The following FAM185A variants were observed in gnomAD, a reference collection of about 807,000 sequenced individuals.
The protein encoded by FAM185A is family with sequence similarity 185 member A, also known as protein FAM185A.
A neutral mutation model predicts 45.7 loss-of-function variants in FAM185A; 21 were observed. That is an observed-to-expected ratio of 0.46 (90% CI 0.33 to 0.66). FAM185A has a LOEUF of 0.66. FAM185A is among the 30% of genes least tolerant of loss of function. The pLI, the probability that FAM185A is intolerant of heterozygous loss-of-function variation, is 0.03. For missense variants in FAM185A, 305 were observed against 485.4 expected (o/e 0.63, Z 3.49); for synonymous variants, 117 against 194.0 (o/e 0.60, Z 3.30).
chr7:102,777,206 T>A, intron 5 of FAM185A, 47 bp from the exon 6 acceptor site: 1 of 1,547,202 alleles, frequency 6.5e-7, no homozygotes, highest in South Asian at 1.2e-5. Context: ...TGTAATTCCA[T>A]TTATCAAGTA....
chr7:102,814,477 T>C, the FAM185A span: 1 of 152,182 alleles, frequency 6.6e-6, no homozygotes, highest in African/African-American at 2.4e-5. Flanking sequence ...ACCAACAACA[T>C]AGAGATAACA....
chr7:102,836,242 C>A, the FAM185A span, among the ~76,000 whole-genome samples: 1 of 152,126 alleles, frequency 6.6e-6, no homozygotes, highest in African/African-American at 2.4e-5. Flanking sequence ...TTCATGGTAC[C>A]ATTCTCATCC....
chr7:102,774,811 T>C (rs1163726414), intron 5 of FAM185A, among the ~76,000 whole-genome samples: 1 of 152,176 alleles, frequency 6.6e-6, no homozygotes, highest in East Asian at 1.9e-4. Context: ...TTGTTACCCA[T>C]ACTGGTCTCA....
intron 7 of FAM185A, among the ~76,000 whole-genome samples, chr7:102,803,045 T>A (rs1796887770): frequency 1.3e-5 from 2 of 151,876 alleles, no homozygotes; most frequent in Admixed American, 1.3e-4. Flanking sequence ...TAATTAAAAA[T>A]TACCAACCAA....
intron 2 of FAM185A, among the ~76,000 whole-genome samples, chr7:102,753,628 A>C (rs1199012025): frequency 2.0e-5 from 3 of 151,684 alleles, no homozygotes; most frequent in Non-Finnish European, 2.9e-5. Flanking sequence ...GTTGAGAACG[A>C]CTGCTTTATG....
At chr7:102,816,397 A>AC in the FAM185A span, 5 of 152,352 alleles carry the variant, frequency 3.3e-5, no homozygotes, top group African/African-American at 1.2e-4. Context: ...AGCTATGGAT[A>AC]CTAGTATAGA....
At chr7:102,805,279 C>A (rs775668688) in intron 7 of FAM185A, among the ~76,000 whole-genome samples, 6 of 152,088 alleles carry the variant, frequency 3.9e-5, no homozygotes, top group Non-Finnish European at 8.8e-5. Flanking sequence ...AGGAACCAAC[C>A]CAAATACCCA....
intron 5 of FAM185A, among the ~76,000 whole-genome samples, chr7:102,775,351 T>G (rs1210980128): frequency 3.9e-5 from 6 of 152,242 alleles, no homozygotes; most frequent in Non-Finnish European, 8.8e-5. Flanking sequence ...GATGAAGCCT[T>G]AATTTTACTC....
In FAM185A at chr7:102,749,547, G is replaced by A; in HGVS notation, c.340G>A (p.Gly114Ser). 6.6e-7 allele frequency: 1 copy of A among 1,519,490 alleles called. No individual in the cohort carries two copies. The highest frequency in any genetic ancestry group is 8.8e-7 in the Non-Finnish European group (1 of 1,133,188). 94.1% of individuals were successfully genotyped at this position (1,519,490 alleles called of 1,614,324 possible). A position where few individuals can be genotyped will look rare whatever the true frequency, so the allele number is the denominator to read the frequency against. ...GTGCGGCGTGGAGGGCGGCGTGCGG[G>A]GCCTGGACGGCCTGCAGGTGAAGTA... ...AVCGVEGGVRGLDGLQVKYDE... is the reference protein window; with the variant it reads ...AVCGVEGGVRSLDGLQVKYDE... The change falls in exon 1 of 8, where the codon GGC becomes AGC. Residue 114 changes from glycine (G) to serine (S), a missense_variant. Gly to Ser is a moderately conservative substitution (Grantham distance 56, BLOSUM62 0). Transcript: ENST00000413034.
chr7:102,814,531 A>C, the FAM185A span: 1 of 152,244 alleles, frequency 6.6e-6, no homozygotes, highest in Non-Finnish European at 1.5e-5. Context: ...AGATGTATTA[A>C]AATAATTGTA....
chr7:102,751,687 T>A lies in FAM185A; in HGVS notation c.452-5T>A. The A allele has an allele frequency of 6.5e-7, 1 of 1,534,876 alleles. No individual in the cohort carries two copies. The highest frequency in any genetic ancestry group is 8.8e-7 in the Non-Finnish European group (1 of 1,142,606). ...TAACTTGCTTTTTTCTTTTTTTACT[T>A]CTAGGTTTAGATATCAAGTCATCAG... On this transcript the variant is annotated splice_polypyrimidine_tract_variant and splice_region_variant and intron_variant, in intron 1 of 7. Coordinates refer to ENST00000413034, the MANE Select transcript of FAM185A (RefSeq NM_001145268.2).
chr7:102,810,295 C>A (rs570126212), downstream of FAM185A, among the ~76,000 whole-genome samples: 1 of 148,756 alleles, frequency 6.7e-6, no homozygotes, highest in Non-Finnish European at 1.5e-5. Context: ...TGCAGTGGCA[C>A]AATCTTGGCT....
chr7:102,838,310 G>A, the FAM185A span, among the ~76,000 whole-genome samples: 1 of 152,278 alleles, frequency 6.6e-6, no homozygotes, highest in South Asian at 2.1e-4. Context: ...GAGATTAAAT[G>A]AGTTAATATG....
At chr7:102,803,846 A>G (rs910991152) in intron 7 of FAM185A, among the ~76,000 whole-genome samples, 3 of 152,214 alleles carry the variant, frequency 2.0e-5, no homozygotes, top group Non-Finnish European at 4.4e-5. Context: ...TCCAGATACA[A>G]AATTAATGTA....
the FAM185A span, among the ~76,000 whole-genome samples, chr7:102,823,483 AAAT>A: frequency 6.6e-6 from 1 of 152,212 alleles, no homozygotes; most frequent in Non-Finnish European, 1.5e-5. Flanking sequence ...GAGACTACAC[AAAT>A]CCCGCTCTGA....
chr7:102,827,158 C>G, the FAM185A span: 1 of 454,922 alleles, frequency 2.2e-6, no homozygotes, highest in Admixed American at 2.3e-5. Flanking sequence ...TACCTTTAGC[C>G]CTTAGCCTCT....
intron 2 of FAM185A, among the ~76,000 whole-genome samples, chr7:102,752,582 T>A (rs1349594200): frequency 6.6e-6 from 1 of 151,424 alleles, no homozygotes; most frequent in Non-Finnish European, 1.5e-5. Context: ...AATTAATTTT[T>A]TTTTTTTTTT....
intron 4 of FAM185A, among the ~76,000 whole-genome samples, chr7:102,762,497 C>T (rs964756793): frequency 5.9e-5 from 9 of 152,028 alleles, no homozygotes; most frequent in African/African-American, 1.4e-4. Context: ...AGTACAGATT[C>T]GGACTTTTTC....
At chr7:102,816,463 C>G in the FAM185A span, among the ~76,000 whole-genome samples, 4 of 152,174 alleles carry the variant, frequency 2.6e-5, no homozygotes, top group African/African-American at 9.7e-5. Flanking sequence ...CCGTGACTAG[C>G]TGTCCTCACC....
Sources: allele counts gnomAD v4.1 joint callset (sites outside exome capture counted in the v4.1 genomes callset), GRCh38; gene constraint gnomAD v4.1.1; transcripts MANE v1.5; gene names NCBI Gene and HGNC (gene_info 2026-07-23, HGNC 2026-07-21).